Variants in CRYBG2 observed in about 807,000 individuals in gnomAD.
CRYBG2 encodes beta/gamma crystallin domain-containing protein 2.
A neutral mutation model predicts 153.4 loss-of-function variants in CRYBG2; 106 were observed. That is an observed-to-expected ratio of 0.69 (90% CI 0.59 to 0.81). The LOEUF (loss-of-function observed/expected upper bound fraction) is 0.81, where lower values mean the gene tolerates loss of function less well. Among genes scored for constraint, CRYBG2 ranks in the 30% least tolerant of loss-of-function variants. CRYBG2 has a pLI of 0.00. For missense variants in CRYBG2, 1,996 were observed against 2,112.0 expected (o/e 0.95, Z 1.08); for synonymous variants, 851 against 877.8 (o/e 0.97, Z 0.54).
rs751296768 is a variant in CRYBG2 at position 26,344,822 on chromosome 1, G to T, written c.1836C>A (p.Thr612=). The change falls in exon 2 of 20, where the codon ACC becomes ACA. Residue 612 remains threonine, a synonymous_variant. Coordinates refer to ENST00000308182, the MANE Select transcript of CRYBG2 (RefSeq NM_001039775.4). ...CAGACCCCTGCACCACCTCCTTCTG[G>T]GTGGGAGATGAGGCAGCAGGAGCAC... ...GPCAPAASSP[T]QKEVVQGSGA... 3 of 1,534,620 alleles carry T rather than the reference G, an allele frequency of 2.0e-6. No individual in the cohort carries two copies. The highest frequency in any genetic ancestry group is 1.4e-5 in the African/African-American group (1 of 72,902).
intron 8 of CRYBG2, 95 bp from the exon 9 acceptor site, chr1:26,337,769 C>T: frequency 1.3e-6 from 2 of 1,492,892 alleles, no homozygotes; most frequent in South Asian, 1.2e-5. Context: ...TGTGGCACCC[C>T]CCAGCCCTCC....
chr1:26,337,032 G>A (rs1447947267), intron 10 of CRYBG2, 52 bp from the exon 11 acceptor site: 1 of 1,604,828 alleles, frequency 6.2e-7, no homozygotes, highest in Non-Finnish European at 8.5e-7. Context: ...CGAAACCCCT[G>A]GGAGTGCCCA....
Position 26,331,475 on chromosome 1 carries a change from A to G in CRYBG2, c.4314+14T>C. 3 of 1,604,740 alleles carry G rather than the reference A, an allele frequency of 1.9e-6. No individual in the cohort carries two copies. The highest frequency in any genetic ancestry group is 2.6e-6 in the Non-Finnish European group (3 of 1,172,668). On this transcript the variant is annotated intron_variant, in intron 15 of 19. Transcript: ENST00000308182. ...TGCTTCCGGGATTGCCTGGAACCAG[A>G]CATGGAAACTCACCAGGGATACCTT... is the stretch of plus-strand genomic sequence containing the variant.
At chr1:26,328,123 G>A (rs564352920) in intron 17 of CRYBG2, 86 bp downstream of exon 17, 5 of 1,482,418 alleles carry the variant, frequency 3.4e-6, no homozygotes, top group Non-Finnish European at 4.5e-6. Flanking sequence ...CTGTGTTTGG[G>A]AAACACACAG....
intron 16 of CRYBG2, 195 bp downstream of exon 16, chr1:26,328,539 A>G (rs2073960513): frequency 2.7e-6 from 3 of 1,100,284 alleles, no homozygotes; most frequent in African/African-American, 3.2e-5. Flanking sequence ...GATCCTGAGA[A>G]GCCCACCAAG....
Position 26,337,664 on chromosome 1 carries a change from T to A in CRYBG2, c.3518A>T (p.Tyr1173Phe). The A allele has an allele frequency of 6.2e-7, 1 of 1,611,618 alleles. No individual in the cohort carries two copies. Among genetic ancestry groups the A allele is most frequent in the Non-Finnish European group, 8.5e-7 (1 of 1,179,866 alleles). ...GCGGCCCTGAAAGCCTGGGGCCTCA[T>A]ACACCACAGCCTGGGGGAAAGGGGC... ...EKPGEPRAVVYEAPGFQGRSW... is the reference protein window; with the variant it reads ...EKPGEPRAVVFEAPGFQGRSW... Residue 1173 changes from tyrosine (Y) to phenylalanine (F), a missense_variant, in exon 9 of 20, where the codon TAT becomes TTT. Coordinates refer to ENST00000308182, the MANE Select transcript of CRYBG2 (RefSeq NM_001039775.4).
chr1:26,344,696 G>T lies in CRYBG2; in HGVS notation c.1962C>A (p.Ser654Arg), dbSNP rs180797377. 3 of 1,533,108 alleles carry T rather than the reference G, an allele frequency of 2.0e-6. No homozygotes were observed. Among genetic ancestry groups the T allele is most frequent in the Non-Finnish European group, 1.7e-6 (2 of 1,144,918 alleles). The allele number at this position is 1,533,108 out of a possible 1,614,324, so 95.0% of individuals were successfully genotyped here. A position where few individuals can be genotyped will look rare whatever the true frequency, so the allele number is the denominator to read the frequency against. ...QKEAVQGIAG[S>R]LAPPLTKEET... ...CTTCCTTGGTGAGGGGCGGGGCAAG[G>T]CTGCCTGCAATACCCTGGACAGCCT... The change falls in exon 2 of 20, where the codon AGC becomes AGA. Residue 654 changes from serine to arginine, a missense_variant. Physicochemically the swap from Ser to Arg is moderately radical, Grantham distance 110. Transcript: ENST00000308182.
In CRYBG2 at chr1:26,336,961, A is replaced by G. The variant is rs1323032084; in HGVS notation, c.3791T>C (p.Val1264Ala). The G allele has an allele frequency of 6.2e-7, 1 of 1,613,602 alleles. No homozygotes were observed. Among genetic ancestry groups the G allele is most frequent in the South Asian group, 1.1e-5 (1 of 90,982 alleles). The change falls in exon 11 of 20, where the codon GTC becomes GCC. Residue 1264 changes from valine to alanine, a missense_variant. Transcript: ENST00000308182. The surrounding 1 kb of genome is among the most constrained non-coding windows in gnomAD (Gnocchi z 4.9). The stretch of plus-strand genomic sequence containing the variant: ...GAAGTCCATGGCCTCAAATAGCACG[A>G]CGGCCGGGTCCCCGAAGTCCTGGGT... ...VIRTDFGDPA[V>A]VLFEAMDFEG...
chr1:26,333,041 A>AAAAAAAAAAAAAG (rs2074015936), intron 14 of CRYBG2, among the ~76,000 whole-genome samples: 1 of 143,786 alleles, frequency 7.0e-6, no homozygotes, highest in African/African-American at 2.7e-5. Flanking sequence ...AAAAAAAAAA[A>AAAAAAAAAAAAAG]AAAAAGATTT....
At chr1:26,348,386 A>C (rs913665278) in intron 1 of CRYBG2, among the ~76,000 whole-genome samples, 1 of 152,124 alleles carries the variant, frequency 6.6e-6, no homozygotes, top group Non-Finnish European at 1.5e-5. Flanking sequence ...AAAAGACTCT[A>C]CAAGTCTCTA....
intron 14 of CRYBG2, 55 bp from the exon 15 acceptor site, chr1:26,331,673 C>G: frequency 1.3e-6 from 2 of 1,596,976 alleles, no homozygotes; most frequent in East Asian, 2.2e-5. Flanking sequence ...TTGGCCTGCC[C>G]AGGTTCCCCT....
rs1322254167 is a variant in CRYBG2, at chr1:26,345,434, C to T, written c.1224G>A (p.Val408=). The change falls in exon 2 of 20, where the codon GTG becomes GTA. Residue 408 remains valine, a synonymous_variant. Transcript: ENST00000308182. ...DPPAATVLPM[V]RSEHVTVPGQ... ...CAGGGACTGTCACATGCTCGCTCCT[C>T]ACCATGGGCAGGACGGTGGCAGCAG... 6.2e-7 allele frequency: 1 copy of T among 1,607,096 alleles called. No individual in the cohort carries two copies.
Position 26,322,038 on chromosome 1 carries a change from C to T in CRYBG2, c.4916G>A (p.Arg1639Gln), listed in dbSNP as rs1173660216. 5 of 1,606,666 alleles carry T rather than the reference C, an allele frequency of 3.1e-6. No homozygotes were observed. Among genetic ancestry groups the T allele is most frequent in the African/African-American group, 2.7e-5 (2 of 74,780 alleles). ...CGGCTCCCATAGCACCACGTGGTCCCGGTCGTAGCCCCGGCCTCCTGGGGG... is the reference window on the plus strand; with the variant it reads ...CGGCTCCCATAGCACCACGTGGTCCTGGTCGTAGCCCCGGCCTCCTGGGGG... Reference protein sequence around the residue: ...LDVKGGRGYDRDHVVLWEPDE... With the variant: ...LDVKGGRGYDQDHVVLWEPDE... Residue 1639 changes from arginine to glutamine, a missense_variant, in exon 20 of 20, where the codon CGG becomes CAG. Transcript: ENST00000308182.
At chr1:26,351,828 ACT>A (rs1449778026) in intron 1 of CRYBG2, among the ~76,000 whole-genome samples, 1 of 151,740 alleles carries the variant, frequency 6.6e-6, no homozygotes, top group African/African-American at 2.4e-5. Context: ...TGTCCTTCAG[ACT>A]CTGCTGGAAT....
intron 4 of CRYBG2, 56 bp from the exon 5 acceptor site, chr1:26,342,939 G>A: frequency 6.3e-7 from 1 of 1,599,752 alleles, no homozygotes; most frequent in South Asian, 1.1e-5. Flanking sequence ...GCCCAGGGCT[G>A]CTGGGTAGCT....
chr1:26,342,864 G>A lies in CRYBG2; in HGVS notation c.3094C>T (p.Pro1032Ser). 6.2e-7 allele frequency: 1 copy of A among 1,614,092 alleles called. No homozygotes were observed. Reference protein sequence around the residue: ...VRGCWVLYEEPEFRGQKLVLP... With the variant: ...VRGCWVLYEESEFRGQKLVLP... Reference sequence around the variant, plus strand: ...ACCAGCTTCTGACCCCGGAACTCTGGCTCTTCGTACAGCACCCAGCTGTGG... The same window carrying A: ...ACCAGCTTCTGACCCCGGAACTCTGACTCTTCGTACAGCACCCAGCTGTGG... The change falls in exon 5 of 20, where the codon CCA becomes TCA. Residue 1032 changes from proline to serine, a missense_variant. Transcript: ENST00000308182.
In CRYBG2 at chr1:26,345,930, G is replaced by T; in HGVS notation, c.728C>A (p.Pro243His). ...QAVKVLSNLVPAGHSPPASHL... is the reference protein window; with the variant it reads ...QAVKVLSNLVHAGHSPPASHL... ...ACTGGCAGGGGGGCTGTGCCCAGCA[G>T]GCACGAGGTTACTTAGCACTTTCAC... Residue 243 changes from proline (P) to histidine (H), a missense_variant, in exon 2 of 20, where the codon CCT becomes CAT. Coordinates refer to ENST00000308182, the MANE Select transcript of CRYBG2 (RefSeq NM_001039775.4). 6.3e-7 allele frequency: 1 copy of T among 1,596,384 alleles called. No individual in the cohort carries two copies. Among genetic ancestry groups the T allele is most frequent in the African/African-American group, 1.3e-5 (1 of 75,034 alleles).
rs1361704634 is a variant in CRYBG2, at chr1:26,336,646, G to C, written c.3998C>G (p.Ala1333Gly). ...CAGCGAGGCGAGGGTGCTGTTGCCA[G>C]CGCCCCAGTCCTCGCAGTTACGATA... ...GVYRNCEDWG[A>G]GNSTLASLQP... Residue 1333 changes from alanine (A) to glycine (G), a missense_variant, in exon 12 of 20, where the codon GCT becomes GGT. By Grantham distance (60) the Ala-to-Gly change is moderately conservative. Transcript: ENST00000308182. This position sits in a 1 kb window ranked among gnomAD's most constrained non-coding sequence, Gnocchi z 4.9. The C allele has an allele frequency of 3.2e-6, 5 of 1,551,342 alleles. No homozygotes were observed. The highest frequency in any genetic ancestry group is 3.5e-6 in the Non-Finnish European group (4 of 1,147,150).
chr1:26,335,091 T>C (rs1321594215), intron 14 of CRYBG2, among the ~76,000 whole-genome samples: 1 of 149,904 alleles, frequency 6.7e-6, no homozygotes, highest in Non-Finnish European at 1.5e-5. Flanking sequence ...CAGGGTTCCT[T>C]GGCAAATAGC....
Sources: gnomAD v4.1 joint callset for allele counts (sites outside exome capture counted in the v4.1 genomes callset) on GRCh38, gnomAD v4.1.1 for gene constraint, Gnocchi (gnomAD v3.1) non-coding constraint, MANE v1.5 for transcripts, NCBI Gene and HGNC (gene_info 2026-07-23, HGNC 2026-07-21) for gene names.